The following HPSE2 variants were observed in gnomAD, a reference collection of about 807,000 sequenced individuals.
HPSE2 encodes heparanase 2 (inactive), also known as inactive heparanase-2.
HPSE2 carries 38 observed loss-of-function variants against 60.5 expected under a neutral mutation model. The observed-to-expected ratio is 0.63, with a 90% CI of 0.48 to 0.82. The LOEUF (loss-of-function observed/expected upper bound fraction) is 0.82, where lower values mean the gene tolerates loss of function less well. HPSE2 is among the 40% of genes least tolerant of loss of function. The pLI, the probability that HPSE2 is intolerant of heterozygous loss-of-function variation, is 0.00. For synonymous variants in HPSE2, 295 were observed against 293.2 expected (o/e 1.01, Z -0.06); for missense variants, 713 against 740.4 (o/e 0.96, Z 0.43).
chr10:99,305,977 G>GCACACACACACACACACACACACACA, the HPSE2 span, among the ~76,000 whole-genome samples: 102 of 53,698 alleles, frequency 1.9e-3, no homozygotes, highest in Middle Eastern at 0.01. Context: ...GCGCGCGCGC[G>GCACACACACACACACACACACACACA]CGCACACACA....
intron 3 of HPSE2, among the ~76,000 whole-genome samples, chr10:99,034,268 G>A (rs576455426): frequency 6.6e-6 from 1 of 152,254 alleles, no homozygotes; most frequent in East Asian, 1.9e-4. Flanking sequence ...CCTATGTATT[G>A]TATGATTCCA....
chr10:99,119,096 A>AGG lies in HPSE2; in HGVS notation c.610+25141_610+25142insCC, dbSNP rs1564822378. Among the ~76,000 whole-genome samples the AGG allele has an allele frequency of 6.9e-4, 81 of 117,912 alleles. 1 individual carries two copies. Among genetic ancestry groups the AGG allele is most frequent in the South Asian group, 2.0e-3 (6 of 2,980 alleles). The allele number at this position is 117,912 out of a possible 152,430, so 77.4% of individuals were successfully genotyped here. A position where few individuals can be genotyped will look rare whatever the true frequency, so the allele number is the denominator to read the frequency against. Reference sequence around the variant, plus strand: ...GAAAGAAAGAGAAAGAAAGAGAGAGAGAGGGAGGGAGGGAGGGAGGGAGGG... The same window carrying AGG: ...GAAAGAAAGAGAAAGAAAGAGAGAGAGGGAGGGAGGGAGGGAGGGAGGGAGGG... On this transcript the variant is annotated intron_variant, in intron 3 of 11. Transcript: ENST00000370552.
chr10:98,472,080 A>G (rs866971707), intron 11 of HPSE2, among the ~76,000 whole-genome samples: 2 of 152,170 alleles, frequency 1.3e-5, no homozygotes, highest in Non-Finnish European at 2.9e-5. Context: ...CTGGGTTTCA[A>G]TGAGTAAGCT....
chr10:99,201,682 C>A (rs1011894298), intron 2 of HPSE2, among the ~76,000 whole-genome samples: 1 of 152,178 alleles, frequency 6.6e-6, no homozygotes, highest in African/African-American at 2.4e-5. Flanking sequence ...AAACATTAGG[C>A]ACTTTGTGAA....
chr10:98,676,971 C>T (rs570351040), intron 6 of HPSE2, among the ~76,000 whole-genome samples: 1 of 150,392 alleles, frequency 6.6e-6, no homozygotes, highest in African/African-American at 2.5e-5. Context: ...TCTTTCCTCC[C>T]TTTCCCTTTT....
intron 2 of HPSE2, among the ~76,000 whole-genome samples, chr10:99,146,851 A>G (rs1846075555): frequency 6.6e-6 from 1 of 152,118 alleles, no homozygotes; most frequent in Admixed American, 6.5e-5. Context: ...AAAGAGTGAG[A>G]CTCCATCAAA....
intron 3 of HPSE2, among the ~76,000 whole-genome samples, chr10:98,759,540 A>AT (rs1171369638): frequency 1.3e-5 from 2 of 152,078 alleles, no homozygotes; most frequent in African/African-American, 4.8e-5. Flanking sequence ...ATCATACATT[A>AT]AAGACATTAT....
intron 1 of HPSE2, among the ~76,000 whole-genome samples, chr10:99,234,980 C>T (rs1288723138): frequency 1.3e-5 from 2 of 152,094 alleles, no homozygotes; most frequent in African/African-American, 2.4e-5. Flanking sequence ...CCACTCAAGC[C>T]TCTGCTTAAA....
At chr10:98,679,315 C>T (rs1010986587) in intron 6 of HPSE2, among the ~76,000 whole-genome samples, 1 of 152,174 alleles carries the variant, frequency 6.6e-6, no homozygotes, top group Non-Finnish European at 1.5e-5. Flanking sequence ...TCCTTGAGAT[C>T]AAAACTATTT....
the HPSE2 span, among the ~76,000 whole-genome samples, chr10:99,296,788 G>A: frequency 1.3e-5 from 2 of 152,290 alleles, no homozygotes; most frequent in African/African-American, 2.4e-5. Context: ...GGTGGCAGTC[G>A]GCCAGTGACA....
intron 11 of HPSE2, among the ~76,000 whole-genome samples, chr10:98,470,091 G>T (rs1382111750): frequency 6.6e-6 from 1 of 150,482 alleles, no homozygotes; most frequent in South Asian, 2.1e-4. Flanking sequence ...GTGAAGACAG[G>T]TAGGAAGGCA....
At chr10:98,600,401 T>C (rs572590909) in intron 9 of HPSE2, among the ~76,000 whole-genome samples, 89 of 152,272 alleles carry the variant, frequency 5.8e-4, no homozygotes, top group African/African-American at 2.1e-3. Flanking sequence ...TTGAGTTTTG[T>C]TTAATGGAGA....
chr10:98,574,101 G>A (rs1944576718), intron 9 of HPSE2, among the ~76,000 whole-genome samples: 1 of 144,918 alleles, frequency 6.9e-6, no homozygotes, highest in Non-Finnish European at 1.5e-5. Flanking sequence ...CACCTCTACA[G>A]ATTGGCATAT....
In HPSE2 at chr10:98,550,289, ATT is replaced by A. The variant is rs71007399; in HGVS notation, c.1321-60095_1321-60094del. Among the ~76,000 whole-genome samples, 1,172 of 145,388 alleles carry A rather than the reference ATT, an allele frequency of 8.1e-3. 13 individuals carry two copies. Among genetic ancestry groups the A allele is most frequent in the African/African-American group, 0.019 (735 of 39,600 alleles). ...CCTTCCATCCTTATTAATGCTTAGC[ATT>A]TTTTTTTTTTTCGAGATGGGTTCTC... On this transcript the variant is annotated intron_variant, in intron 9 of 11. Transcript: ENST00000370552.
chr10:98,982,933 T>C (rs1007486153), intron 3 of HPSE2, among the ~76,000 whole-genome samples: 1 of 152,206 alleles, frequency 6.6e-6, no homozygotes, highest in Non-Finnish European at 1.5e-5. Context: ...CCAAGACTAG[T>C]TCGGGAGACA....
chr10:98,802,310 T>TG (rs397737319), intron 3 of HPSE2, among the ~76,000 whole-genome samples: 1 of 151,534 alleles, frequency 6.6e-6, no homozygotes, highest in African/African-American at 2.4e-5. Flanking sequence ...ATTTTTTTTT[T>TG]GAGTTAATTT....
intron 9 of HPSE2, among the ~76,000 whole-genome samples, chr10:98,525,925 G>C (rs780963211): frequency 6.6e-6 from 1 of 152,172 alleles, no homozygotes; most frequent in Non-Finnish European, 1.5e-5. Context: ...CACCGATCCT[G>C]TATATTAGAT....
At chr10:99,206,703 G>A (rs547529056) in intron 2 of HPSE2, among the ~76,000 whole-genome samples, 3 of 151,940 alleles carry the variant, frequency 2.0e-5, no homozygotes, top group East Asian at 3.9e-4. Flanking sequence ...TAAGTATAAT[G>A]AGAAATTGAA....
intron 10 of HPSE2, among the ~76,000 whole-genome samples, chr10:98,487,134 A>G (rs1591255732): frequency 6.6e-6 from 1 of 152,336 alleles, no homozygotes. Flanking sequence ...ACGTTGTTTC[A>G]GCAGAATGGC....
Sources: gnomAD v4.1 joint callset for allele counts (sites outside exome capture counted in the v4.1 genomes callset) on GRCh38, gnomAD v4.1.1 for gene constraint, MANE v1.5 for transcripts, NCBI Gene and HGNC (gene_info 2026-07-23, HGNC 2026-07-21) for gene names.